The following ZER1 variants were observed in gnomAD, a reference collection of about 807,000 sequenced individuals.
ZER1 encodes protein zer-1 homolog.
In ZER1, 11 loss-of-function variants were observed where a neutral mutation model predicts 78.8. That is an observed-to-expected ratio of 0.14 (90% CI 0.09 to 0.23). The LOEUF is 0.23. ZER1 is among the 10% of genes least tolerant of loss of function. ZER1 has a pLI of 1.00. For synonymous variants in ZER1, 400 were observed against 407.0 expected, an observed-to-expected ratio of 0.98 and a Z score of 0.21; for missense variants, 588 against 996.9, an observed-to-expected ratio of 0.59 and a Z score of 5.52.
At chr9:128,756,759 G>A (rs1317658845) in intron 1 of ZER1, among the ~76,000 whole-genome samples, 1 of 152,160 alleles carries the variant, frequency 6.6e-6, no homozygotes, top group Non-Finnish European at 1.5e-5. Flanking sequence ...CAGTGTGTAT[G>A]GAGTTTCTTT....
chr9:128,735,273 C>T (rs1371655407), intron 14 of ZER1, 61 bp downstream of exon 14: 4 of 1,488,206 alleles, frequency 2.7e-6, no homozygotes, highest in Non-Finnish European at 3.7e-6. Flanking sequence ...TACAAACTCC[C>T]TGAGGGCACA....
intron 8 of ZER1, 57 bp from the exon 9 acceptor site, chr9:128,742,802 C>T: frequency 6.6e-7 from 1 of 1,521,564 alleles, no homozygotes; most frequent in South Asian, 1.2e-5. Context: ...AGGAGCAGGG[C>T]TCTAGGAACT....
chr9:128,767,829 T>C (rs1386001002), intron 1 of ZER1, among the ~76,000 whole-genome samples: 2 of 152,168 alleles, frequency 1.3e-5, no homozygotes, highest in African/African-American at 4.8e-5. Context: ...GGCCACAGCA[T>C]TGAAAGCTTC....
chr9:128,736,228 G>A (rs1863073607), intron 13 of ZER1, among the ~76,000 whole-genome samples: 1 of 152,104 alleles, frequency 6.6e-6, no homozygotes, highest in Non-Finnish European at 1.5e-5. Context: ...GGGATTATAG[G>A]CGTGAGCCAC....
chr9:128,734,851 T>G (rs1476972925), intron 14 of ZER1, among the ~76,000 whole-genome samples: 2 of 152,098 alleles, frequency 1.3e-5, no homozygotes, highest in African/African-American at 4.8e-5. Context: ...TATGTGTTTT[T>G]TTTTTTTTTC....
intron 13 of ZER1, among the ~76,000 whole-genome samples, chr9:128,736,446 T>C (rs1203030119): frequency 1.4e-5 from 2 of 147,278 alleles, no homozygotes; most frequent in Non-Finnish European, 3.0e-5. Context: ...CAGGCTGGAG[T>C]TCAGTGGTGC....
At chr9:128,743,693 T>C (rs941206139) in intron 8 of ZER1, among the ~76,000 whole-genome samples, 1 of 152,002 alleles carries the variant, frequency 6.6e-6, no homozygotes, top group Non-Finnish European at 1.5e-5. Flanking sequence ...GTTCTGGGAT[T>C]CTAGGCATGA....
At chr9:128,747,481 C>T (rs1168085540) in intron 8 of ZER1, among the ~76,000 whole-genome samples, 2 of 152,192 alleles carry the variant, frequency 1.3e-5, no homozygotes, top group African/African-American at 2.4e-5. Context: ...TGTCAGCAGT[C>T]ATGAAAGTGA....
chr9:128,765,111 C>A (rs1864164692), intron 1 of ZER1, among the ~76,000 whole-genome samples: 1 of 152,156 alleles, frequency 6.6e-6, no homozygotes. Flanking sequence ...ACTAATTAAT[C>A]ATTTACATAA....
chr9:128,762,465 A>T (rs1274683981), intron 1 of ZER1, among the ~76,000 whole-genome samples: 8 of 152,186 alleles, frequency 5.3e-5, no homozygotes, highest in Non-Finnish European at 1.0e-4. Flanking sequence ...CTTGCTGCTC[A>T]CGAGGAGACA....
In ZER1 at chr9:128,742,516, C is replaced by A; in HGVS notation, c.1575+14G>T. 6.2e-7 allele frequency: 1 copy of A among 1,613,090 alleles called. No homozygotes were observed. Among genetic ancestry groups the A allele is most frequent in the Non-Finnish European group, 8.5e-7 (1 of 1,179,890 alleles). ...GAGGCTCAGGAGGAAGGGGGCAGCG[C>A]CCCCCACACGTACCACGACAAAGCC... is the stretch of plus-strand genomic sequence containing the variant. On this transcript the variant is annotated intron_variant, in intron 9 of 15. Transcript: ENST00000291900.
chr9:128,738,895 A>C (rs1279199983), intron 13 of ZER1, among the ~76,000 whole-genome samples: 1 of 128,898 alleles, frequency 7.8e-6, no homozygotes, highest in Non-Finnish European at 1.6e-5. Context: ...TCTGTTGCCC[A>C]GGCTGGAATG....
chr9:128,753,192 G>T lies in ZER1; in HGVS notation c.718C>A (p.Arg240=). ...AGCTTGTGCAGCTGCACGATGACCC[G>T]GATGTGGTCGTCGGACAGGTCCATG... ...YNMDLSDDHI[R]VIVQLHKLRH... Residue 240 remains arginine, a synonymous_variant, in exon 4 of 16, where the codon CGG becomes AGG. Coordinates refer to ENST00000291900, the MANE Select transcript of ZER1 (RefSeq NM_006336.4). The surrounding 1 kb of genome is among the most constrained non-coding windows in gnomAD (Gnocchi z 7.5). 6.4e-7 allele frequency: 1 copy of T among 1,562,898 alleles called. No homozygotes were observed. The highest frequency in any genetic ancestry group is 2.4e-5 in the East Asian group (1 of 41,996).
At chr9:128,750,157 C>CA (rs2132439419) in intron 8 of ZER1, among the ~76,000 whole-genome samples, 1 of 152,328 alleles carries the variant, frequency 6.6e-6, no homozygotes, top group East Asian at 1.9e-4. Context: ...ATCCCATTTA[C>CA]AAAATATGTG....
rs763228963 is a variant in ZER1 at position 128,751,159 on chromosome 9, C to T, written c.1148G>A (p.Arg383His). The T allele has an allele frequency of 6.9e-6, 11 of 1,603,496 alleles. No individual in the cohort carries two copies. The highest frequency in any genetic ancestry group is 1.1e-5 in the South Asian group (1 of 90,384). Residue 383 changes from arginine to histidine, a missense_variant, in exon 7 of 16, where the codon CGC becomes CAC. Transcript: ENST00000291900. The surrounding 1 kb of genome is among the most constrained non-coding windows in gnomAD (Gnocchi z 5.4). The part of the protein sequence containing the change: ...RAINLLFDIA[R>H]IERCNQLLRA... ...CAGCAGCTGGTTGCAACGCTCGATGCGGGCGATGTCAAAAAGCAAGTTGAT... is the reference window on the plus strand; with the variant it reads ...CAGCAGCTGGTTGCAACGCTCGATGTGGGCGATGTCAAAAAGCAAGTTGAT...
chr9:128,737,996 C>T (rs1255761394), intron 13 of ZER1, among the ~76,000 whole-genome samples: 1 of 151,894 alleles, frequency 6.6e-6, no homozygotes, highest in Non-Finnish European at 1.5e-5. Flanking sequence ...AGCCACTGTG[C>T]CCGGCCCTGT....
At chr9:128,743,620 A>G (rs1863381231) in intron 8 of ZER1, among the ~76,000 whole-genome samples, 2 of 151,688 alleles carry the variant, frequency 1.3e-5, no homozygotes, top group African/African-American at 4.8e-5. Context: ...GGGTCTCACT[A>G]TGTTGTCCAG....
chr9:128,733,456 G>A lies in ZER1; in HGVS notation c.2213C>T (p.Thr738Ile), dbSNP rs763606517. The A allele has an allele frequency of 2.5e-6, 4 of 1,613,936 alleles. No homozygotes were observed. In the South Asian group the frequency reaches 3.3e-5, roughly 13 times the overall value. ...PLLRDIIKMA[T>I]ARQETKEMAR... ...CATTTCCTTGGTCTCCTGCCGTGCGGTCGCCATCTTAATTATGTCCCTCAG... is the reference window on the plus strand; with the variant it reads ...CATTTCCTTGGTCTCCTGCCGTGCGATCGCCATCTTAATTATGTCCCTCAG... The change falls in exon 15 of 16, where the codon ACC (threonine) becomes ATC (isoleucine). Residue 738 changes from threonine to isoleucine, a missense_variant. Physicochemically the swap from Thr to Ile is moderately conservative, Grantham distance 89. Coordinates refer to ENST00000291900, the MANE Select transcript of ZER1 (RefSeq NM_006336.4).
intron 8 of ZER1, among the ~76,000 whole-genome samples, chr9:128,743,893 C>CTTT (rs35174986): frequency 2.9e-4 from 11 of 38,540 alleles, no homozygotes; most frequent in African/African-American, 5.7e-4. Context: ...ATGGCCCCTG[C>CTTT]TTTTTTTTTT....
Sources: gnomAD v4.1 joint callset for allele counts (sites outside exome capture counted in the v4.1 genomes callset) on GRCh38, gnomAD v4.1.1 for gene constraint, Gnocchi (gnomAD v3.1) non-coding constraint, MANE v1.5 for transcripts, NCBI Gene and HGNC (gene_info 2026-07-23, HGNC 2026-07-21) for gene names.